IMMT: variants seen among roughly 807,000 people sequenced by gnomAD.
The protein encoded by IMMT is inner membrane mitochondrial protein, also known as MICOS complex subunit MIC60.
Under a neutral mutation model 92.7 loss-of-function variants are expected in IMMT, and 40 were observed. That is an observed-to-expected ratio of 0.43 (90% CI 0.34 to 0.56). IMMT has a LOEUF of 0.56. Among genes scored for constraint, IMMT ranks in the 20% least tolerant of loss-of-function variants. The pLI is 0.03. For synonymous variants in IMMT, 322 were observed against 336.1 expected (o/e 0.96, Z 0.46); for missense variants, 831 against 912.1 (o/e 0.91, Z 1.14).
chr2:86,182,599 G>A (rs541748092), intron 1 of IMMT, among the ~76,000 whole-genome samples: 4 of 152,172 alleles, frequency 2.6e-5, no homozygotes, highest in African/African-American at 9.6e-5. Context: ...GGAGGCTGGC[G>A]AGGGTGAGCG....
At chr2:86,170,553 G>A (rs961174041) in intron 6 of IMMT, among the ~76,000 whole-genome samples, 196 bp downstream of exon 6, 1 of 152,186 alleles carries the variant, frequency 6.6e-6, no homozygotes, top group African/African-American at 2.4e-5. Context: ...TATACACTAA[G>A]AATAGCCTTT....
chr2:86,162,070 C>T lies in IMMT; in HGVS notation c.802G>A (p.Glu268Lys), dbSNP rs1036966306. The T allele has an allele frequency of 5.7e-6, 9 of 1,580,728 alleles. No individual in the cohort carries two copies. The South Asian group carries it at 6.0e-5, about 10-fold the overall frequency. ...AAMDNSEIAG[E>K]KKSAQWRTVE... ...GTGCGCCACTGAGCAGATTTCTTCT[C>T]GCCTGCAATCTAAACAAAAAATTTT... The change falls in exon 8 of 15, where the codon GAG becomes AAG. Residue 268 changes from glutamate (E) to lysine (K), a missense_variant. Transcript: ENST00000410111.
chr2:86,179,455 T>TTA lies in IMMT; in HGVS notation c.285_286dup (p.Asn96IlefsTer15). ...TACCGATTTCTTTGGCAATGGAACA[T>TTA]TATAAGCTGCAGGACCAAGAACCAT... On this transcript the variant is annotated frameshift_variant, in exon 3 of 15. Coordinates refer to ENST00000410111, the MANE Select transcript of IMMT (RefSeq NM_006839.3). LOFTEE classifies it high-confidence loss of function. 2 of 1,603,078 alleles carry TTA rather than the reference T, an allele frequency of 1.2e-6. No homozygotes were observed. Among genetic ancestry groups the TTA allele is most frequent in the Non-Finnish European group, 8.5e-7 (1 of 1,176,856 alleles).
chr2:86,149,532 T>C (rs958227921), intron 12 of IMMT, among the ~76,000 whole-genome samples: 2 of 152,150 alleles, frequency 1.3e-5, no homozygotes, highest in Non-Finnish European at 2.9e-5. Flanking sequence ...AAAGGGCAAA[T>C]TGGCTGGGCA....
chr2:86,181,606 G>C (rs1417644586), intron 1 of IMMT, among the ~76,000 whole-genome samples: 1 of 151,538 alleles, frequency 6.6e-6, no homozygotes, highest in Non-Finnish European at 1.5e-5. Context: ...AAAATTATCA[G>C]ACTATGATCA....
At chr2:86,176,324 C>T (rs991600822) in intron 3 of IMMT, among the ~76,000 whole-genome samples, 2 of 152,278 alleles carry the variant, frequency 1.3e-5, no homozygotes, top group South Asian at 4.1e-4. Flanking sequence ...AATATCATAG[C>T]ACTTCTTTTA....
intron 10 of IMMT, among the ~76,000 whole-genome samples, chr2:86,154,486 C>T (rs983115725): frequency 1.3e-5 from 2 of 152,090 alleles, no homozygotes; most frequent in Admixed American, 6.5e-5. Flanking sequence ...TTAAGCATTT[C>T]ATAGAAACTA....
chr2:86,161,701 A>C (rs1013090223), intron 8 of IMMT, among the ~76,000 whole-genome samples: 1 of 151,480 alleles, frequency 6.6e-6, no homozygotes, highest in African/African-American at 2.4e-5. Flanking sequence ...TTTTTAATAG[A>C]GACGGGGTTT....
In IMMT at chr2:86,151,523, A is replaced by G; in HGVS notation, c.1178-3T>C. 6.2e-7 allele frequency: 1 copy of G among 1,602,800 alleles called. No individual in the cohort carries two copies. Among genetic ancestry groups the G allele is most frequent in the South Asian group, 1.1e-5 (1 of 90,878 alleles). The stretch of plus-strand genomic sequence containing the variant: ...ATCATCAGTAGAGAGCTTGTCAGCT[A>G]AGCAAAAGAGCATGTTAAAATATTA... On this transcript the variant is annotated splice_polypyrimidine_tract_variant and splice_region_variant and intron_variant, in intron 11 of 14. Transcript: ENST00000410111.
At chr2:86,148,739 C>A (rs534276219) in intron 12 of IMMT, among the ~76,000 whole-genome samples, 26 of 152,086 alleles carry the variant, frequency 1.7e-4, no homozygotes, top group East Asian at 3.9e-4. Flanking sequence ...CCAAAAAAAA[C>A]CAAAAAATAT....
Position 86,178,295 on chromosome 2 carries a change from G to A in IMMT, c.309+1138C>T, listed in dbSNP as rs549592954. Among the ~76,000 whole-genome samples, 12 of 130,366 alleles carry A rather than the reference G, an allele frequency of 9.2e-5. No homozygotes were observed. In the East Asian group the frequency reaches 1.5e-3, roughly 17 times the overall value. The allele number at this position is 130,366 out of a possible 152,430, so 85.5% of individuals were successfully genotyped here. A position where few individuals can be genotyped will look rare whatever the true frequency, so the allele number is the denominator to read the frequency against. ...ATCAGGCCACTGCATTCCAGCCTGC[G>A]TGACACAGCAAGACTCCATCTCAAA... On this transcript the variant is annotated intron_variant, in intron 3 of 14. Coordinates refer to ENST00000410111, the MANE Select transcript of IMMT (RefSeq NM_006839.3).
chr2:86,151,240 T>C (rs1191828219), intron 12 of IMMT, 57 bp downstream of exon 12: 2 of 1,401,338 alleles, frequency 1.4e-6, no homozygotes, highest in East Asian at 2.3e-5. Flanking sequence ...TTTCTACAAG[T>C]AAACAATCAA....
At chr2:86,180,272 T>A (rs1464372734) in intron 2 of IMMT, among the ~76,000 whole-genome samples, 6 of 152,114 alleles carry the variant, frequency 3.9e-5, no homozygotes, top group Admixed American at 3.9e-4. Flanking sequence ...CTCTTTTTTT[T>A]ATTTTTTCTT....
chr2:86,160,045 A>ACT lies in IMMT; in HGVS notation c.897-376_897-375dup, dbSNP rs548770330. ...TGACTGTGAACAATCAACTGAGCTA[A>ACT]CTCACTACCTTTGGACGAGCATCAA... On this transcript the variant is annotated intron_variant, in intron 8 of 14. Transcript: ENST00000410111. 233 of 155,120 alleles carry ACT rather than the reference A, an allele frequency of 1.5e-3. 2 individuals carry two copies. Among genetic ancestry groups the ACT allele is most frequent in the African/African-American group, 5.4e-3 (225 of 41,696 alleles). The allele number at this position is 155,120 out of a possible 1,614,324, so 9.6% of individuals were successfully genotyped here. A position where few individuals can be genotyped will look rare whatever the true frequency, so the allele number is the denominator to read the frequency against.
intron 6 of IMMT, among the ~76,000 whole-genome samples, chr2:86,169,682 A>G (rs1676954841): frequency 6.6e-6 from 1 of 152,002 alleles, no homozygotes; most frequent in Non-Finnish European, 1.5e-5. Flanking sequence ...ATTGATAAAT[A>G]TCTATTATCT....
intron 3 of IMMT, among the ~76,000 whole-genome samples, chr2:86,177,262 T>A (rs1677490523): frequency 6.8e-6 from 1 of 147,374 alleles, no homozygotes; most frequent in African/African-American, 2.5e-5. Flanking sequence ...TTTTTTTTTT[T>A]ACAAGAAGCT....
chr2:86,144,184 C>T lies in IMMT; in HGVS notation c.*84G>A, dbSNP rs902539144. The T allele has an allele frequency of 1.8e-5, 26 of 1,466,494 alleles. No homozygotes were observed. Among genetic ancestry groups the T allele is most frequent in the Non-Finnish European group, 2.2e-5 (24 of 1,074,384 alleles). The allele number at this position is 1,466,494 out of a possible 1,614,324, so 90.8% of individuals were successfully genotyped here. ...AAACCTGCTCATTTCTAGACAAGTC[C>T]GGGACTCTCGCTGCGAACCCTTCAT... On this transcript the variant is annotated 3_prime_UTR_variant, in exon 15 of 15. Coordinates refer to ENST00000410111, the MANE Select transcript of IMMT (RefSeq NM_006839.3).
intron 1 of IMMT, among the ~76,000 whole-genome samples, chr2:86,182,459 T>C (rs185985762): frequency 1.3e-5 from 2 of 152,348 alleles, no homozygotes; most frequent in Admixed American, 1.3e-4. Context: ...AGCTAACTAA[T>C]GCAGTCATAC....
intron 7 of IMMT, among the ~76,000 whole-genome samples, chr2:86,163,915 C>T (rs1372455546): frequency 2.8e-5 from 4 of 144,866 alleles, no homozygotes; most frequent in East Asian, 4.0e-4. Context: ...GCCGAGATCA[C>T]GCTATTGCAC....
Sources: gnomAD v4.1 joint callset for allele counts (sites outside exome capture counted in the v4.1 genomes callset) on GRCh38, gnomAD v4.1.1 for gene constraint, MANE v1.5 for transcripts, NCBI Gene and HGNC (gene_info 2026-07-23, HGNC 2026-07-21) for gene names.